The following GHR variants were observed in gnomAD, a reference collection of about 807,000 sequenced individuals.
GHR encodes the protein growth hormone receptor, also known as GH receptor.
In GHR, 35 loss-of-function variants were observed where a neutral mutation model predicts 67.1. The observed-to-expected ratio is 0.52, with a 90% CI of 0.40 to 0.69. The LOEUF (loss-of-function observed/expected upper bound fraction) is 0.69, where lower values mean the gene tolerates loss of function less well. Among genes scored for constraint, GHR ranks in the 30% least tolerant of loss-of-function variants. The pLI is 0.00. For synonymous variants in GHR, 272 were observed against 269.1 expected (o/e 1.01, Z -0.10); for missense variants, 792 against 764.6 (o/e 1.04, Z -0.42).
At chr5:42,649,891 G>C (rs182926043) in intron 3 of GHR, among the ~76,000 whole-genome samples, 1 of 152,252 alleles carries the variant, frequency 6.6e-6, no homozygotes, top group African/African-American at 2.4e-5. Flanking sequence ...TGAGAAAACT[G>C]AAAATTTTCT....
chr5:42,682,491 G>A (rs886207551), intron 3 of GHR, among the ~76,000 whole-genome samples: 9 of 152,278 alleles, frequency 5.9e-5, no homozygotes, highest in African/African-American at 2.2e-4. Context: ...TTCATTTTAA[G>A]ATTATGGTAG....
intron 5 of GHR, among the ~76,000 whole-genome samples, chr5:42,698,686 T>C (rs1757790773): frequency 6.6e-6 from 1 of 152,170 alleles, no homozygotes; most frequent in African/African-American, 2.4e-5. Context: ...TAAGAGCTCC[T>C]CACTGTGTAT....
At chr5:42,436,244 C>A (rs550630899) in intron 1 of GHR, among the ~76,000 whole-genome samples, 1 of 152,276 alleles carries the variant, frequency 6.6e-6, no homozygotes, top group East Asian at 1.9e-4. Context: ...CAGCTAGTAA[C>A]ACAGCTGAGA....
chr5:42,542,561 G>GTGCACACT (rs1748561577), intron 1 of GHR, among the ~76,000 whole-genome samples: 1 of 152,114 alleles, frequency 6.6e-6, no homozygotes. Flanking sequence ...GATAATTTTA[G>GTGCACACT]TGCACACTTA....
At chr5:42,580,491 T>TA (rs1751106505) in intron 2 of GHR, among the ~76,000 whole-genome samples, 2 of 152,196 alleles carry the variant, frequency 1.3e-5, no homozygotes, top group African/African-American at 2.4e-5. Context: ...AAGTTGATCT[T>TA]TAATATTTTA....
At chr5:42,702,126 C>A (rs538509123) in intron 6 of GHR, among the ~76,000 whole-genome samples, 1 of 152,108 alleles carries the variant, frequency 6.6e-6, no homozygotes, top group South Asian at 2.1e-4. Context: ...CTATAGTCAC[C>A]ATTTTGCACA....
chr5:42,443,278 CAGTG>C (rs1743659750), intron 1 of GHR, among the ~76,000 whole-genome samples: 1 of 152,138 alleles, frequency 6.6e-6, no homozygotes, highest in South Asian at 2.1e-4. Flanking sequence ...ACTTGGAACT[CAGTG>C]AGAAGGATCA....
In GHR at chr5:42,614,559, A is replaced by ATTTTTTTTTTT. The variant is rs553365880; in HGVS notation, c.71-14457_71-14447dup. Among the ~76,000 whole-genome samples the ATTTTTTTTTTT allele has an allele frequency of 5.5e-4, 36 of 65,408 alleles. 2 individuals carry two copies. The highest frequency in any genetic ancestry group is 1.6e-3 in the African/African-American group (25 of 15,840). The allele number at this position is 65,408 out of a possible 152,430, so 42.9% of individuals were successfully genotyped here. On this transcript the variant is annotated intron_variant, in intron 2 of 9. Transcript: ENST00000230882. ...GCAAGCTTTATAGGCCATAGAGGAC[A>ATTTTTTTTTTT]TTTTTTTTTTTTTTTTTTTTTTTTT...
At chr5:42,474,924 C>T (rs1354991846) in intron 1 of GHR, among the ~76,000 whole-genome samples, 1 of 136,906 alleles carries the variant, frequency 7.3e-6, no homozygotes, top group Non-Finnish European at 1.5e-5. Flanking sequence ...CGCTCTGTTG[C>T]CCAGGCTGGA....
chr5:42,609,726 A>G (rs35260144), intron 2 of GHR, among the ~76,000 whole-genome samples: 2 of 152,184 alleles, frequency 1.3e-5, no homozygotes, highest in African/African-American at 4.8e-5. Context: ...AGGAAGATTC[A>G]TTTCTGCTTT....
At chr5:42,604,689 G>A (rs1476733318) in intron 2 of GHR, among the ~76,000 whole-genome samples, 5 of 145,942 alleles carry the variant, frequency 3.4e-5, no homozygotes, top group African/African-American at 1.3e-4. Context: ...AGGAACTGTG[G>A]ACAAAGTAAT....
At chr5:42,447,696 CCTCT>C (rs1265928760) in intron 1 of GHR, among the ~76,000 whole-genome samples, 171 of 139,124 alleles carry the variant, frequency 1.2e-3, no homozygotes, top group African/African-American at 4.2e-3. Context: ...TCCCTCCCTC[CCTCT>C]ATCTCTCCCT....
At chr5:42,667,665 G>C (rs1203504055) in intron 3 of GHR, among the ~76,000 whole-genome samples, 1 of 152,188 alleles carries the variant, frequency 6.6e-6, no homozygotes, top group Admixed American at 6.5e-5. Flanking sequence ...CTAGCGGTCA[G>C]GTGCCCAAGG....
intron 1 of GHR, among the ~76,000 whole-genome samples, chr5:42,443,533 G>A (rs1421387734): frequency 1.3e-5 from 2 of 152,142 alleles, no homozygotes; most frequent in Non-Finnish European, 1.5e-5. Flanking sequence ...GATGATTCAG[G>A]TAGACATGGA....
At chr5:42,509,546 G>A (rs1746922080) in intron 1 of GHR, among the ~76,000 whole-genome samples, 1 of 152,152 alleles carries the variant, frequency 6.6e-6, no homozygotes. Context: ...TCTGTTAACA[G>A]AGAGCTTCTA....
intron 2 of GHR, among the ~76,000 whole-genome samples, chr5:42,582,308 T>C (rs957240095): frequency 2.6e-5 from 4 of 152,238 alleles, no homozygotes; most frequent in African/African-American, 9.6e-5. Flanking sequence ...GTGGAGTCCT[T>C]GGCTGGGAGT....
chr5:42,616,517 T>C (rs1753158161), intron 2 of GHR, among the ~76,000 whole-genome samples: 1 of 152,034 alleles, frequency 6.6e-6, no homozygotes, highest in Admixed American at 6.6e-5. Context: ...AGTTCTGTGT[T>C]AGGATTGAGA....
chr5:42,687,368 T>A (rs1450522194), intron 3 of GHR, among the ~76,000 whole-genome samples: 1 of 152,174 alleles, frequency 6.6e-6, no homozygotes, highest in African/African-American at 2.4e-5. Flanking sequence ...GCCAAGATAA[T>A]CGTAAGCAAA....
Position 42,617,501 on chromosome 5 carries a change from C to G in GHR, c.71-11537C>G, listed in dbSNP as rs552045303. ...TTTACCCAGAAGTATCTTTGTCAAC[C>G]TTCTTAACTTACATCCACCAGAAAG... On this transcript the variant is annotated intron_variant, in intron 2 of 9. Coordinates refer to ENST00000230882, the MANE Select transcript of GHR (RefSeq NM_000163.5). 2.6e-5 allele frequency among the ~76,000 whole-genome samples: 4 copies of G among 152,036 alleles called. No individual in the cohort carries two copies. In the South Asian group the frequency reaches 8.3e-4, roughly 32 times the overall value.
Sources: allele counts gnomAD v4.1 joint callset (sites outside exome capture counted in the v4.1 genomes callset), GRCh38; gene constraint gnomAD v4.1.1; transcripts MANE v1.5; gene names NCBI Gene and HGNC (gene_info 2026-07-23, HGNC 2026-07-21).